The following PTGIS variants were observed in gnomAD, a reference collection of about 807,000 sequenced individuals.
The protein encoded by PTGIS is prostaglandin I2 synthase, also known as prostacyclin synthase.
PTGIS carries 45 observed loss-of-function variants against 50.3 expected under a neutral mutation model. The observed-to-expected ratio is 0.90, with a 90% CI of 0.70 to 1.15. The LOEUF (loss-of-function observed/expected upper bound fraction) is 1.15, where lower values mean the gene tolerates loss of function less well. Ranked by LOEUF, PTGIS falls within the 50% of genes most tolerant of loss-of-function variation. PTGIS has a pLI of 0.00. For synonymous variants in PTGIS, 260 were observed against 267.7 expected (o/e 0.97, Z 0.28); for missense variants, 668 against 661.3 (o/e 1.01, Z -0.11).
At chr20:49,519,553 C>T (rs1981590586) in intron 6 of PTGIS, among the ~76,000 whole-genome samples, 2 of 152,064 alleles carry the variant, frequency 1.3e-5, no homozygotes, top group South Asian at 4.2e-4. Context: ...CTTCTTCACC[C>T]ACCCTCGCCT....
chr20:49,545,753 C>T (rs1982339408), intron 3 of PTGIS, among the ~76,000 whole-genome samples: 1 of 152,134 alleles, frequency 6.6e-6, no homozygotes, highest in Admixed American at 6.5e-5. Context: ...GGGCGGTGCA[C>T]AGCCCATGGT....
At position 49,513,168 on chromosome 20, in the gene PTGIS, C is replaced by T. The variant is rs780217825; in HGVS notation, c.1118G>A (p.Arg373Gln). Residue 373 changes from arginine to glutamine, a missense_variant, in exon 8 of 10, where the codon CGA (arginine) becomes CAA (glutamine). Coordinates refer to ENST00000244043, the MANE Select transcript of PTGIS (RefSeq NM_000961.4). ...GTCACCACGTCGCAGGTTGAATTCT[C>T]GCCCGTCTGCCATGGGCATGGCCAG... ...VDLAMPMADG[R>Q]EFNLRRGDRL... The T allele has an allele frequency of 1.2e-5, 19 of 1,614,152 alleles. No homozygotes were observed. Among genetic ancestry groups the T allele is most frequent in the East Asian group, 1.1e-4 (5 of 44,876 alleles).
intron 5 of PTGIS, among the ~76,000 whole-genome samples, chr20:49,533,678 C>T (rs868088836): frequency 6.6e-6 from 1 of 152,036 alleles, no homozygotes; most frequent in Non-Finnish European, 1.5e-5. Flanking sequence ...TAAAAATGGC[C>T]GGGTGTGGTG....
chr20:49,559,681 T>A (rs1272242773), intron 1 of PTGIS, among the ~76,000 whole-genome samples: 1 of 152,124 alleles, frequency 6.6e-6, no homozygotes, highest in Admixed American at 6.6e-5. Flanking sequence ...TTAAGCCCAG[T>A]GAAAGAAGCC....
At chr20:49,544,011 A>G (rs1568681354) in intron 4 of PTGIS, among the ~76,000 whole-genome samples, 1 of 152,136 alleles carries the variant, frequency 6.6e-6, no homozygotes. Flanking sequence ...TGAAATCCCA[A>G]AGTCTGGAAG....
At chr20:49,532,837 T>C (rs1053091150) in intron 5 of PTGIS, among the ~76,000 whole-genome samples, 1 of 152,184 alleles carries the variant, frequency 6.6e-6, no homozygotes, top group Non-Finnish European at 1.5e-5. Flanking sequence ...ATGAGGGCCA[T>C]CTAGCTCATA....
intron 5 of PTGIS, among the ~76,000 whole-genome samples, chr20:49,532,900 T>C (rs966447582): frequency 2.0e-5 from 3 of 152,172 alleles, no homozygotes; most frequent in Non-Finnish European, 4.4e-5. Context: ...TTGGTATCGG[T>C]AGAAGTTTGT....
intron 4 of PTGIS, 62 bp downstream of exon 4, chr20:49,544,243 C>T: frequency 1.2e-6 from 2 of 1,604,744 alleles, no homozygotes; most frequent in Middle Eastern, 1.7e-4. Context: ...GGCCACTGCT[C>T]ATGGCTGACA....
At chr20:49,558,605 G>A (rs1195945896) in intron 1 of PTGIS, among the ~76,000 whole-genome samples, 6 of 152,224 alleles carry the variant, frequency 3.9e-5, no homozygotes, top group South Asian at 2.1e-4. Flanking sequence ...ACTATTATTC[G>A]TAAGCAGTGT....
Position 49,507,972 on chromosome 20 carries a change from C to T in PTGIS, c.1451G>A (p.Gly484Asp). ...CACGTCGTGTTCCGGCTGCATCAGA[C>T]CGAAGCCGTACCTGCTGAGGTCAAA... The part of the protein sequence containing the change: ...PEFDLSRYGF[G>D]LMQPEHDVPV... The change falls in exon 10 of 10, where the codon GGT becomes GAT. Residue 484 changes from glycine (G) to aspartate (D), a missense_variant. Physicochemically the swap from Gly to Asp is moderately conservative, Grantham distance 94. Transcript: ENST00000244043. The T allele has an allele frequency of 6.2e-7, 1 of 1,613,784 alleles. No homozygotes were observed. Among genetic ancestry groups the T allele is most frequent in the Non-Finnish European group, 8.5e-7 (1 of 1,180,044 alleles).
intron 4 of PTGIS, among the ~76,000 whole-genome samples, chr20:49,542,254 C>T (rs533905152): frequency 2.0e-5 from 3 of 152,288 alleles, no homozygotes; most frequent in African/African-American, 4.8e-5. Flanking sequence ...AGAGGTGGCA[C>T]CTCACAGTTC....
chr20:49,563,538 C>T (rs1336265311), intron 1 of PTGIS, among the ~76,000 whole-genome samples: 1 of 152,160 alleles, frequency 6.6e-6, no homozygotes, highest in Non-Finnish European at 1.5e-5. Flanking sequence ...GAGGGTGCTA[C>T]CACTGAGTCC....
chr20:49,547,782 T>C, intron 3 of PTGIS, 59 bp downstream of exon 3: 1 of 1,553,578 alleles, frequency 6.4e-7, no homozygotes, highest in African/African-American at 1.4e-5. Context: ...TTGGGCCACA[T>C]GAGTAGAAAT....
Position 49,542,324 on chromosome 20 carries a change from C to T in PTGIS, c.521+1981G>A, listed in dbSNP as rs576754335. Among the ~76,000 whole-genome samples, 14 of 152,348 alleles carry T rather than the reference C, an allele frequency of 9.2e-5. No homozygotes were observed. The South Asian group carries it at 2.5e-3, about 27-fold the overall frequency. On this transcript the variant is annotated intron_variant, in intron 4 of 9. Coordinates refer to ENST00000244043, the MANE Select transcript of PTGIS (RefSeq NM_000961.4). ...GTCCCTCCCATCCAACTGGCCCATTCTCTTTGTATTTCAGGGGCTGCTGAT... is the reference window on the plus strand; with the variant it reads ...GTCCCTCCCATCCAACTGGCCCATTTTCTTTGTATTTCAGGGGCTGCTGAT...
intron 5 of PTGIS, among the ~76,000 whole-genome samples, chr20:49,533,066 A>G (rs974579520): frequency 6.6e-6 from 1 of 152,126 alleles, no homozygotes; most frequent in African/African-American, 2.4e-5. Context: ...CAGAGTCCCC[A>G]TGCTATGTAG....
At chr20:49,521,378 T>A (rs892619933) in intron 6 of PTGIS, among the ~76,000 whole-genome samples, 2 of 152,148 alleles carry the variant, frequency 1.3e-5, no homozygotes, top group Non-Finnish European at 2.9e-5. Context: ...TTGAAAAGTT[T>A]TCCCACCTGC....
intron 1 of PTGIS, among the ~76,000 whole-genome samples, chr20:49,561,908 G>A (rs989063063): frequency 4.6e-5 from 7 of 152,166 alleles, no homozygotes; most frequent in Admixed American, 1.3e-4. Flanking sequence ...TTTTCCAAAC[G>A]TTTCCTTGTT....
chr20:49,551,059 C>G lies in PTGIS; in HGVS notation c.75-870G>C, dbSNP rs138049248. Among the ~76,000 whole-genome samples the G allele has an allele frequency of 5.6e-4, 85 of 152,166 alleles. No individual in the cohort carries two copies. The East Asian group carries it at 0.014, about 24-fold the overall frequency. Reference sequence around the variant, plus strand: ...TCTCTACTGAAAATACAAAAATTAGCCAGGCATGGTCGTGGTGCATGCCTG... The same window carrying G: ...TCTCTACTGAAAATACAAAAATTAGGCAGGCATGGTCGTGGTGCATGCCTG... On this transcript the variant is annotated intron_variant, in intron 1 of 9. Coordinates refer to ENST00000244043, the MANE Select transcript of PTGIS (RefSeq NM_000961.4).
chr20:49,566,850 T>A (rs1982911739), intron 1 of PTGIS, among the ~76,000 whole-genome samples: 1 of 152,126 alleles, frequency 6.6e-6, no homozygotes, highest in African/African-American at 2.4e-5. Flanking sequence ...CTGGATAAAA[T>A]CCCGTGAAGT....
Sources: gnomAD v4.1 joint callset for allele counts (sites outside exome capture counted in the v4.1 genomes callset) on GRCh38, gnomAD v4.1.1 for gene constraint, MANE v1.5 for transcripts, NCBI Gene and HGNC (gene_info 2026-07-23, HGNC 2026-07-21) for gene names.